LDLRAD4: variants seen among roughly 807,000 people sequenced by gnomAD.
LDLRAD4 encodes the protein low density lipoprotein receptor class A domain containing 4, also known as low-density lipoprotein receptor class A domain-containing protein 4.
Under a neutral mutation model 17.0 loss-of-function variants are expected in LDLRAD4, and 5 were observed. That is an observed-to-expected ratio of 0.29 (90% confidence interval 0.15 to 0.62). The LOEUF (loss-of-function observed/expected upper bound fraction) is 0.62, where lower values mean the gene tolerates loss of function less well. Ranked by LOEUF, LDLRAD4 falls within the 20% of genes least tolerant of loss-of-function variation. The probability of loss-of-function intolerance (pLI) is 0.84; values close to 1 mark genes in which losing one functional copy is unlikely to be tolerated. For synonymous variants in LDLRAD4, 168 were observed against 171.8 expected (o/e 0.98, Z 0.17); for missense variants, 340 against 424.7 (o/e 0.80, Z 1.75).
chr18:13,581,498 G>A (rs749701070), intron 3 of LDLRAD4, among the ~76,000 whole-genome samples: 2 of 152,072 alleles, frequency 1.3e-5, no homozygotes, highest in Non-Finnish European at 2.9e-5. Flanking sequence ...TTCTTTCTGG[G>A]AACATGAAAA....
intron 1 of LDLRAD4, among the ~76,000 whole-genome samples, chr18:13,343,219 C>T (rs2082479103): frequency 6.9e-6 from 1 of 145,484 alleles, no homozygotes; most frequent in South Asian, 2.4e-4. Context: ...TCTCCTAATG[C>T]TATCCCTCCC....
At position 13,332,937 on chromosome 18, in the gene LDLRAD4, C is replaced by T. The variant is rs991497957; in HGVS notation, c.-382-54404C>T. 4.6e-5 allele frequency among the ~76,000 whole-genome samples: 7 copies of T among 151,982 alleles called. No homozygotes were observed. In the South Asian group the frequency reaches 8.3e-4, roughly 18 times the overall value. ...CTTTTTTTTAGTAAATACCAACGAG[C>T]GCAATTGCTGGATCATATGCTAAGA... On this transcript the variant is annotated intron_variant, in intron 1 of 5. Transcript: ENST00000359446.
At chr18:13,495,762 AT>A (rs1483056740) in intron 3 of LDLRAD4, among the ~76,000 whole-genome samples, 2 of 152,154 alleles carry the variant, frequency 1.3e-5, no homozygotes, top group Non-Finnish European at 2.9e-5. Flanking sequence ...CGAGTTACTA[AT>A]TTTGTACTGA....
upstream of LDLRAD4, among the ~76,000 whole-genome samples, chr18:13,273,383 C>G: frequency 6.6e-6 from 1 of 152,162 alleles, no homozygotes; most frequent in East Asian, 1.9e-4. Context: ...TCACTGCAGC[C>G]TCAAACTCCT....
At chr18:13,222,499 T>C (rs1327476356) in intron 1 of LDLRAD4, among the ~76,000 whole-genome samples, 2 of 152,216 alleles carry the variant, frequency 1.3e-5, no homozygotes, top group African/African-American at 4.8e-5. Flanking sequence ...ATTGTTAATG[T>C]TACATGACAG....
intron 1 of LDLRAD4, among the ~76,000 whole-genome samples, chr18:13,250,825 T>A (rs1046601013): frequency 6.6e-6 from 1 of 152,216 alleles, no homozygotes; most frequent in Non-Finnish European, 1.5e-5. Flanking sequence ...TACTAGTTCT[T>A]CTCAAACTAT....
At position 13,398,166 on chromosome 18, in the gene LDLRAD4, C is replaced by T. The variant is rs781531130; in HGVS notation, c.40+10404C>T. Among the ~76,000 whole-genome samples the T allele has an allele frequency of 1.4e-4, 21 of 152,078 alleles. No homozygotes were observed. The highest frequency in any genetic ancestry group is 2.6e-4 in the Non-Finnish European group (18 of 68,016). Reference sequence around the variant, plus strand: ...AGAACCGAGTTGGGGCAGGAGGGGACGGAGGGAGAGAGGCAGGAGGCTGAA... The same window carrying T: ...AGAACCGAGTTGGGGCAGGAGGGGATGGAGGGAGAGAGGCAGGAGGCTGAA... On this transcript the variant is annotated intron_variant, in intron 2 of 5. Transcript: ENST00000359446. The surrounding 1 kb of genome is among the most constrained non-coding windows in gnomAD (Gnocchi z 4.8).
chr18:13,410,651 GT>G (rs1368926861), intron 2 of LDLRAD4, among the ~76,000 whole-genome samples: 2 of 152,210 alleles, frequency 1.3e-5, no homozygotes, highest in Non-Finnish European at 2.9e-5. Context: ...TTTGAAATAT[GT>G]TGTGTATACA....
intron 3 of LDLRAD4, among the ~76,000 whole-genome samples, chr18:13,584,797 A>G (rs1216378467): frequency 6.6e-6 from 1 of 152,226 alleles, no homozygotes; most frequent in African/African-American, 2.4e-5. Flanking sequence ...TAGAACCAGG[A>G]TAAACCATAA....
intron 4 of LDLRAD4, chr18:13,642,611 G>C: frequency 8.1e-7 from 1 of 1,230,150 alleles, no homozygotes; most frequent in Non-Finnish European, 1.0e-6. Context: ...ACCTGCGAGC[G>C]CGGACTTGCG....
chr18:13,471,289 C>G (rs147821355), intron 3 of LDLRAD4: 9 of 143,456 alleles, frequency 6.3e-5, no homozygotes, highest in African/African-American at 2.3e-4. Context: ...AGCGTGAGCA[C>G]TGGCTGTACC....
intron 1 of LDLRAD4, among the ~76,000 whole-genome samples, chr18:13,301,921 G>A (rs2046628411): frequency 6.6e-6 from 1 of 152,128 alleles, no homozygotes; most frequent in Non-Finnish European, 1.5e-5. Context: ...AGCCCCGCTG[G>A]GCAGCCCTCT....
At chr18:13,604,903 G>A (rs2095205562) in intron 3 of LDLRAD4, among the ~76,000 whole-genome samples, 1 of 152,098 alleles carries the variant, frequency 6.6e-6, no homozygotes, top group African/African-American at 2.4e-5. Context: ...CAGCCACCAG[G>A]CAGGCAGGAC....
At chr18:13,567,454 C>T (rs528686179) in intron 3 of LDLRAD4, among the ~76,000 whole-genome samples, 4 of 152,174 alleles carry the variant, frequency 2.6e-5, no homozygotes, top group African/African-American at 9.7e-5. Flanking sequence ...TCACCACCCC[C>T]CGCCGCTGCA....
intron 3 of LDLRAD4, chr18:13,611,839 C>T (rs768480076): frequency 1.5e-5 from 15 of 985,520 alleles, no homozygotes; most frequent in East Asian, 1.1e-4. Flanking sequence ...TAGGACCTCA[C>T]GCCTTGCCAG....
chr18:13,224,236 G>GC (rs2041625809), intron 1 of LDLRAD4, among the ~76,000 whole-genome samples: 1 of 152,236 alleles, frequency 6.6e-6, no homozygotes, highest in Non-Finnish European at 1.5e-5. Flanking sequence ...GCAACAGTCA[G>GC]CAGGAGTGCT....
intron 1 of LDLRAD4, among the ~76,000 whole-genome samples, chr18:13,289,362 AG>A (rs1445563703): frequency 6.6e-6 from 1 of 152,254 alleles, no homozygotes; most frequent in Admixed American, 6.5e-5. Flanking sequence ...GGTGACTAAC[AG>A]TGTTAAAGGG....
intron 1 of LDLRAD4, among the ~76,000 whole-genome samples, chr18:13,352,110 A>G (rs937887150): frequency 2.0e-5 from 3 of 152,214 alleles, no homozygotes; most frequent in African/African-American, 7.2e-5. Context: ...GATGTAACAT[A>G]TCTCAAAATA....
At chr18:13,500,329 G>A (rs1480196211) in intron 3 of LDLRAD4, among the ~76,000 whole-genome samples, 4 of 152,196 alleles carry the variant, frequency 2.6e-5, no homozygotes, top group African/African-American at 2.4e-5. Context: ...TCCTCTGCCC[G>A]TGGGGCTGTG....
Sources: allele counts gnomAD v4.1 joint callset (sites outside exome capture counted in the v4.1 genomes callset), GRCh38; gene constraint gnomAD v4.1.1; non-coding constraint Gnocchi (gnomAD v3.1); transcripts MANE v1.5; gene names NCBI Gene and HGNC (gene_info 2026-07-23, HGNC 2026-07-21).